The following CATSPERB variants were observed in gnomAD, a reference collection of about 807,000 sequenced individuals.
CATSPERB encodes the protein catsper channel auxiliary subunit beta.
In CATSPERB, 93 loss-of-function variants were observed where a neutral mutation model predicts 128.3. The ratio of observed to expected loss-of-function variants is 0.72; its 90% confidence interval spans 0.61 to 0.86. CATSPERB has a LOEUF of 0.86. Ranked by LOEUF, CATSPERB falls within the 40% of genes least tolerant of loss-of-function variation. The pLI is 0.00. For synonymous variants in CATSPERB, 381 were observed against 448.8 expected, an observed-to-expected ratio of 0.85 and a Z score of 1.91; for missense variants, 1,153 against 1,329.5, an observed-to-expected ratio of 0.87 and a Z score of 2.06.
intron 22 of CATSPERB, among the ~76,000 whole-genome samples, chr14:91,608,043 T>C (rs941920969): frequency 2.0e-5 from 3 of 152,088 alleles, no homozygotes; most frequent in Non-Finnish European, 2.9e-5. Flanking sequence ...TCTCACCCCA[T>C]CAATGAAATC....
intron 19 of CATSPERB, among the ~76,000 whole-genome samples, chr14:91,620,165 A>G (rs1382710362): frequency 6.6e-6 from 1 of 151,962 alleles, no homozygotes; most frequent in Non-Finnish European, 1.5e-5. Context: ...TTTTTACGGG[A>G]AATTCCTTCT....
chr14:91,708,620 C>A (rs956628859), intron 5 of CATSPERB, among the ~76,000 whole-genome samples: 4 of 151,600 alleles, frequency 2.6e-5, no homozygotes, highest in Non-Finnish European at 5.9e-5. Flanking sequence ...AACTAATAAG[C>A]CAATAGTGGA....
At chr14:91,709,609 G>A (rs150982852) in intron 5 of CATSPERB, 3,928 of 147,716 alleles carry the variant, frequency 0.027, 80 homozygotes, top group Non-Finnish European at 0.044. Flanking sequence ...GGAGAATGGC[G>A]TGAACCCAGG....
intron 22 of CATSPERB, among the ~76,000 whole-genome samples, chr14:91,595,290 GTTTA>G (rs138277074): frequency 0.14 from 20,769 of 150,218 alleles, 1,564 homozygotes; most frequent in Non-Finnish European, 0.17. Context: ...CTCAGATAAG[GTTTA>G]TTTATTTATT....
At chr14:91,700,187 G>A (rs1313730489) in intron 7 of CATSPERB, among the ~76,000 whole-genome samples, 1 of 152,064 alleles carries the variant, frequency 6.6e-6, no homozygotes, top group Admixed American at 6.6e-5. Flanking sequence ...GCGGTGTTTG[G>A]TTTTCTGTTC....
chr14:91,638,676 C>A (rs766113396), intron 16 of CATSPERB, among the ~76,000 whole-genome samples: 9 of 152,178 alleles, frequency 5.9e-5, no homozygotes, highest in Non-Finnish European at 1.0e-4. Context: ...CCCACCTCAG[C>A]CTCCCACAAT....
intron 11 of CATSPERB, among the ~76,000 whole-genome samples, chr14:91,678,538 G>T (rs1013734932): frequency 6.6e-6 from 1 of 152,184 alleles, no homozygotes; most frequent in Non-Finnish European, 1.5e-5. Context: ...ACACTACCAA[G>T]CTGGCTTATA....
At chr14:91,667,575 A>C (rs1895008642) in intron 14 of CATSPERB, among the ~76,000 whole-genome samples, 1 of 151,970 alleles carries the variant, frequency 6.6e-6, no homozygotes, top group South Asian at 2.1e-4. Context: ...CTCTCAGACA[A>C]GTCTGCAAGA....
chr14:91,581,404 G>T (rs1344989341), intron 26 of CATSPERB, among the ~76,000 whole-genome samples: 1 of 152,218 alleles, frequency 6.6e-6, no homozygotes, highest in East Asian at 1.9e-4. Context: ...AGTCTCAGAG[G>T]AATGGGCAAA....
Position 91,676,104 on chromosome 14 carries a change from T to TA in CATSPERB, c.932-1883dup, listed in dbSNP as rs370543084. 2.4e-3 allele frequency among the ~76,000 whole-genome samples: 361 copies of TA among 151,950 alleles called. 3 individuals are homozygous for TA. The highest frequency in any genetic ancestry group is 8.0e-3 in the African/African-American group (330 of 41,450). ...TGAACTTAGATTAAGGTTGATGTGTTAAAAAAAAGGCTATATTGGTCATCG... is the reference window on the plus strand; with the variant it reads ...TGAACTTAGATTAAGGTTGATGTGTTAAAAAAAAAGGCTATATTGGTCATCG... On this transcript the variant is annotated intron_variant, in intron 11 of 26. Transcript: ENST00000256343.
chr14:91,664,157 T>C (rs541369141), intron 14 of CATSPERB, among the ~76,000 whole-genome samples: 1 of 152,264 alleles, frequency 6.6e-6, no homozygotes, highest in South Asian at 2.1e-4. Context: ...GTCTCCATAG[T>C]TTTGCCTTTT....
intron 15 of CATSPERB, among the ~76,000 whole-genome samples, chr14:91,651,335 T>C (rs1485091453): frequency 6.6e-6 from 1 of 152,234 alleles, no homozygotes; most frequent in Non-Finnish European, 1.5e-5. Flanking sequence ...TGGGCTTTAG[T>C]AATGCCATCT....
chr14:91,682,284 T>A (rs1470954092), intron 11 of CATSPERB, among the ~76,000 whole-genome samples: 1 of 152,160 alleles, frequency 6.6e-6, no homozygotes, highest in Non-Finnish European at 1.5e-5. Context: ...TCAACTAAGT[T>A]GCAACCAGGT....
intron 15 of CATSPERB, among the ~76,000 whole-genome samples, chr14:91,657,360 A>G (rs545111495): frequency 6.6e-6 from 1 of 151,272 alleles, no homozygotes; most frequent in East Asian, 2.0e-4. Flanking sequence ...CAAAAATCAA[A>G]ACAAAATGGA....
intron 1 of CATSPERB, among the ~76,000 whole-genome samples, chr14:91,730,041 T>G (rs1896188189): frequency 6.6e-6 from 1 of 152,152 alleles, no homozygotes; most frequent in South Asian, 2.1e-4. Context: ...ACTGTACCTC[T>G]CCTGTAATGC....
rs139000741 is a variant in CATSPERB, at chr14:91,624,356, C to T, written c.1930+464G>A. Among the ~76,000 whole-genome samples the T allele has an allele frequency of 5.3e-3, 814 of 152,288 alleles. 1 individual carries two copies. The highest frequency in any genetic ancestry group is 7.7e-3 in the African/African-American group (318 of 41,552). Reference sequence around the variant, plus strand: ...GAGATTAGCTGGGCGTGGCAGCATGCGCCTGCAATCCCAGCTACTCGGGAG... The same window carrying T: ...GAGATTAGCTGGGCGTGGCAGCATGTGCCTGCAATCCCAGCTACTCGGGAG... On this transcript the variant is annotated intron_variant, in intron 18 of 26. Coordinates refer to ENST00000256343, the MANE Select transcript of CATSPERB (RefSeq NM_024764.4).
At chr14:91,587,838 A>G in intron 25 of CATSPERB, 140 bp downstream of exon 25, 1 of 630,850 alleles carries the variant, frequency 1.6e-6, no homozygotes, top group Non-Finnish European at 2.8e-6. Flanking sequence ...CCCTCTTCAT[A>G]TACTTTAAAG....
At chr14:91,706,009 A>G (rs984904313) in intron 6 of CATSPERB, among the ~76,000 whole-genome samples, 1 of 152,240 alleles carries the variant, frequency 6.6e-6, no homozygotes, top group Non-Finnish European at 1.5e-5. Context: ...TTGAAAGACA[A>G]CTGCTGTCTG....
chr14:91,622,350 T>C (rs1159091915), intron 18 of CATSPERB, among the ~76,000 whole-genome samples: 1 of 152,148 alleles, frequency 6.6e-6, no homozygotes, highest in African/African-American at 2.4e-5. Context: ...CAATAAATAT[T>C]TGTTGAATGG....
Sources: allele counts gnomAD v4.1 joint callset (sites outside exome capture counted in the v4.1 genomes callset), GRCh38; gene constraint gnomAD v4.1.1; transcripts MANE v1.5; gene names NCBI Gene and HGNC (gene_info 2026-07-23, HGNC 2026-07-21).